Variants in ADCYAP1R1 observed in about 807,000 individuals in gnomAD.
The protein encoded by ADCYAP1R1 is pituitary adenylate cyclase-activating polypeptide type I receptor.
ADCYAP1R1 carries 44 observed loss-of-function variants against 67.6 expected under a neutral mutation model. That is an observed-to-expected ratio of 0.65 (90% CI 0.51 to 0.84). The LOEUF (loss-of-function observed/expected upper bound fraction) is 0.84. ADCYAP1R1 is among the 40% of genes least tolerant of loss of function. The pLI, the probability that ADCYAP1R1 is intolerant of heterozygous loss-of-function variation, is 0.00. For synonymous variants in ADCYAP1R1, 222 were observed against 219.6 expected, an observed-to-expected ratio of 1.01 and a Z score of -0.10; for missense variants, 477 against 587.9, an observed-to-expected ratio of 0.81 and a Z score of 1.95.
intron 5 of ADCYAP1R1, 52 bp downstream of exon 5, chr7:31,080,685 GGA>G (rs1795480091): frequency 6.3e-7 from 1 of 1,599,464 alleles, no homozygotes; most frequent in South Asian, 1.1e-5. Context: ...CCATCCAGCA[GGA>G]GCCCAGCCTC....
At chr7:31,089,272 A>C (rs1795868755) in intron 12 of ADCYAP1R1, among the ~76,000 whole-genome samples, 3 of 152,104 alleles carry the variant, frequency 2.0e-5, no homozygotes, top group Admixed American at 1.3e-4. Flanking sequence ...TCTAGGTGGA[A>C]AATTATATAA....
intron 13 of ADCYAP1R1, among the ~76,000 whole-genome samples, chr7:31,097,912 T>A (rs951899061): frequency 6.6e-6 from 1 of 152,186 alleles, no homozygotes; most frequent in Non-Finnish European, 1.5e-5. Flanking sequence ...TTATTATTTT[T>A]AATTTTTAGA....
chr7:31,063,206 T>G lies in ADCYAP1R1; in HGVS notation c.-59T>G. 2.5e-6 allele frequency: 4 copies of G among 1,600,950 alleles called. No homozygotes were observed. Among genetic ancestry groups the G allele is most frequent in the Non-Finnish European group, 2.6e-6 (3 of 1,168,086 alleles). ...CCTTCCTCTCTAGCCCAGAGACACATTGGGGCTGACCTGCCGCTGCTGTCA... is the reference window on the plus strand; with the variant it reads ...CCTTCCTCTCTAGCCCAGAGACACAGTGGGGCTGACCTGCCGCTGCTGTCA... On this transcript the variant is annotated 5_prime_UTR_variant, in exon 2 of 16. Coordinates refer to ENST00000304166, the MANE Select transcript of ADCYAP1R1 (RefSeq NM_001118.5).
intron 1 of ADCYAP1R1, among the ~76,000 whole-genome samples, chr7:31,061,427 C>T (rs1242508409): frequency 2.6e-5 from 4 of 152,216 alleles, no homozygotes; most frequent in East Asian, 1.9e-4. Context: ...CCACCAGGGG[C>T]GTGGCAAGCC....
At position 31,064,738 on chromosome 7, in the gene ADCYAP1R1, TC is replaced by T. The variant is rs1794659569; in HGVS notation, c.52-87del. 1.1e-5 allele frequency: 11 copies of T among 994,540 alleles called. No homozygotes were observed. The Middle Eastern group carries it at 1.0e-3, about 93-fold the overall frequency. The allele number at this position is 994,540 out of a possible 1,614,324, so 61.6% of individuals were successfully genotyped here. Reference sequence around the variant, plus strand: ...CCTCCTCTCTGCTTCTGCTCCCCACTCCCCCCAAGACACTGCCCCTGGGGCT... The same window carrying T: ...CCTCCTCTCTGCTTCTGCTCCCCACTCCCCCAAGACACTGCCCCTGGGGCT... On this transcript the variant is annotated intron_variant, in intron 2 of 15. Coordinates refer to ENST00000304166, the MANE Select transcript of ADCYAP1R1 (RefSeq NM_001118.5).
In ADCYAP1R1 at chr7:31,078,037, T is replaced by C. The variant is rs746719200; in HGVS notation, c.204T>C (p.His68=). The change falls in exon 4 of 16, where the codon CAT becomes CAC. Residue 68 remains histidine, a synonymous_variant. Transcript: ENST00000304166. ...WDNITCWKPA[H]VGEMVLVSCP... is the part of the protein sequence containing the mutation. ...ACATCACGTGTTGGAAGCCCGCCCA[T>C]GTGGGTGAGATGGTCCTGGTCAGCT... 36 of 1,613,158 alleles carry C rather than the reference T, an allele frequency of 2.2e-5. No homozygotes were observed. The highest frequency in any genetic ancestry group is 2.8e-5 in the Non-Finnish European group (33 of 1,179,540).
At chr7:31,104,791 T>G in intron 14 of ADCYAP1R1, 77 bp from the exon 15 acceptor site, 4 of 1,519,044 alleles carry the variant, frequency 2.6e-6, no homozygotes, top group Non-Finnish European at 3.7e-6. Context: ...CTTCCTAGAG[T>G]CATCCCCTCC....
intron 12 of ADCYAP1R1, 76 bp from the exon 13 acceptor site, chr7:31,092,568 G>A (rs924436576): frequency 2.3e-5 from 26 of 1,127,840 alleles, no homozygotes; most frequent in Admixed American, 3.6e-5. Context: ...CTAGGTGGGG[G>A]AGGGTCCTGC....
chr7:31,097,993 T>C (rs1464742393), intron 13 of ADCYAP1R1, among the ~76,000 whole-genome samples: 1 of 152,154 alleles, frequency 6.6e-6, no homozygotes, highest in African/African-American at 2.4e-5. Context: ...CTCTTTCTCC[T>C]GGGTTCAAGT....
At chr7:31,062,208 G>A (rs6969928) in intron 1 of ADCYAP1R1, among the ~76,000 whole-genome samples, 17,232 of 152,204 alleles carry the variant, frequency 0.11, 1,029 homozygotes, top group African/African-American at 0.13. Flanking sequence ...TAGAAGCAGA[G>A]TATACTCTTC....
chr7:31,104,310 A>C (rs1796552206), intron 14 of ADCYAP1R1, among the ~76,000 whole-genome samples: 1 of 152,242 alleles, frequency 6.6e-6, no homozygotes, highest in Non-Finnish European at 1.5e-5. Context: ...GCAGCATTCA[A>C]GAAAATGCTC....
intron 13 of ADCYAP1R1, among the ~76,000 whole-genome samples, chr7:31,095,233 A>G (rs1796140966): frequency 6.6e-6 from 1 of 152,212 alleles, no homozygotes; most frequent in Non-Finnish European, 1.5e-5. Flanking sequence ...AGCTGAGGGA[A>G]CTAGTTATCA....
intron 3 of ADCYAP1R1, among the ~76,000 whole-genome samples, chr7:31,065,177 C>G (rs1794684006): frequency 6.6e-6 from 1 of 152,208 alleles, no homozygotes; most frequent in South Asian, 2.1e-4. Context: ...GCTGCCTTCT[C>G]TCCCACAGGA....
intron 13 of ADCYAP1R1, among the ~76,000 whole-genome samples, chr7:31,097,306 G>A (rs1395339206): frequency 6.6e-6 from 1 of 152,258 alleles, no homozygotes; most frequent in Non-Finnish European, 1.5e-5. Context: ...GCATCAGTCA[G>A]TCTAGGTTCA....
chr7:31,061,079 C>T (rs1794481148), intron 1 of ADCYAP1R1, among the ~76,000 whole-genome samples: 1 of 152,176 alleles, frequency 6.6e-6, no homozygotes, highest in Non-Finnish European at 1.5e-5. Context: ...AGGGGGCAGC[C>T]CAGTCCTAAC....
chr7:31,077,480 AGT>A (rs3076572), intron 3 of ADCYAP1R1, among the ~76,000 whole-genome samples: 84,344 of 136,578 alleles, frequency 0.62, 25,958 homozygotes, highest in African/African-American at 0.85. Context: ...TGGTGTGTGT[AGT>A]GTGTGTGTGT....
intron 3 of ADCYAP1R1, among the ~76,000 whole-genome samples, chr7:31,077,291 A>C (rs918633565): frequency 2.0e-5 from 3 of 149,876 alleles, no homozygotes; most frequent in African/African-American, 7.4e-5. Flanking sequence ...ATGTGTGCAC[A>C]TTCATGTGTG....
chr7:31,075,509 C>G (rs1304016782), intron 3 of ADCYAP1R1, among the ~76,000 whole-genome samples: 2 of 152,150 alleles, frequency 1.3e-5, no homozygotes, highest in Non-Finnish European at 2.9e-5. Context: ...GCTCACATCA[C>G]TACCTGTGCT....
intron 13 of ADCYAP1R1, 78 bp from the exon 14 acceptor site, chr7:31,103,159 C>T: frequency 1.9e-6 from 3 of 1,563,090 alleles, no homozygotes; most frequent in Admixed American, 3.6e-5. Context: ...GGGACTGGGG[C>T]TGAGTTCTCT....
Sources: gnomAD v4.1 joint callset for allele counts (sites outside exome capture counted in the v4.1 genomes callset) on GRCh38, gnomAD v4.1.1 for gene constraint, MANE v1.5 for transcripts, NCBI Gene and HGNC (gene_info 2026-07-23, HGNC 2026-07-21) for gene names.